Variants in ZSCAN18 observed in about 807,000 individuals in gnomAD.
ZSCAN18 encodes the protein zinc finger and SCAN domain containing 18, also known as zinc finger and SCAN domain-containing protein 18.
A neutral mutation model predicts 31.1 loss-of-function variants in ZSCAN18; 16 were observed. That is an observed-to-expected ratio of 0.51 (90% CI 0.35 to 0.78). The LOEUF (loss-of-function observed/expected upper bound fraction) is 0.78, where lower values mean the gene tolerates loss of function less well. Among genes scored for constraint, ZSCAN18 ranks in the 30% least tolerant of loss-of-function variants. ZSCAN18 has a pLI of 0.01. For synonymous variants in ZSCAN18, 375 were observed against 320.7 expected, an observed-to-expected ratio of 1.17 and a Z score of -1.81; for missense variants, 731 against 697.4, an observed-to-expected ratio of 1.05 and a Z score of -0.54.
chr19:58,097,861 CCCACAGGGTGCCCTAAGCGCCTCCCCT>C, intron 1 of ZSCAN18: 9 of 952,888 alleles, frequency 9.4e-6, no homozygotes, highest in Non-Finnish European at 1.1e-5. Flanking sequence ...TGTTCTCCCA[CCCACAGGGTGCCCTAAGCGCCTCCCCT>C]CCACGAGCCT....
upstream of ZSCAN18, among the ~76,000 whole-genome samples, chr19:58,102,536 A>C (rs1188158371): frequency 1.3e-5 from 2 of 152,152 alleles, no homozygotes; most frequent in Non-Finnish European, 2.9e-5. Flanking sequence ...CACATTATGA[A>C]CTTTAAAAAT....
intron 2 of ZSCAN18, 24 bp from the exon 3 acceptor site, chr19:58,088,861 G>T: frequency 6.2e-7 from 1 of 1,601,104 alleles, no homozygotes; most frequent in South Asian, 1.1e-5. Context: ...AGGGACCTGT[G>T]ACCCCAAGAG....
intron 1 of ZSCAN18, chr19:58,108,819 T>A: frequency 1.0e-6 from 1 of 972,788 alleles, no homozygotes; most frequent in Non-Finnish European, 1.2e-6. Flanking sequence ...GCTGAAGGAG[T>A]TACCACCTTC....
At position 58,085,392 on chromosome 19, in the gene ZSCAN18, C is replaced by T. The variant is rs747860873; in HGVS notation, c.839-13G>A. 7 of 1,580,958 alleles carry T rather than the reference C, an allele frequency of 4.4e-6. No individual in the cohort carries two copies. The South Asian group carries it at 6.7e-5, about 15-fold the overall frequency. ...CGCCTCCCGCCTTCTGGAACAAGGT[C>T]AGAGCCCTAGCGTGAGCGCCCCGCC... On this transcript the variant is annotated splice_polypyrimidine_tract_variant and intron_variant, in intron 6 of 6. Transcript: ENST00000601144.
chr19:58,098,977 C>G (rs994307443), upstream of ZSCAN18, among the ~76,000 whole-genome samples: 1 of 152,116 alleles, frequency 6.6e-6, no homozygotes, highest in Non-Finnish European at 1.5e-5. Context: ...AGGGCTTTGG[C>G]AAAGCCCCAT....
chr19:58,105,661 A>AAAAAAAT (rs907784441), intron 1 of ZSCAN18, among the ~76,000 whole-genome samples: 1 of 151,908 alleles, frequency 6.6e-6, no homozygotes, highest in Admixed American at 6.6e-5. Context: ...ACTCCGTCTC[A>AAAAAAAT]AAAAAATAAA....
Position 58,090,111 on chromosome 19 carries a change from G to A in ZSCAN18, c.157C>T (p.Arg53Trp). The stretch of plus-strand genomic sequence containing the variant: ...GCAGCCTCCTGGTAGACAAATTCCC[G>A]GAAACGCAGGCGGGAGAACTCCAGG... ...ADLEFSRLRF[R>W]EFVYQEAAGP... Residue 53 changes from arginine (R) to tryptophan (W), a missense_variant, in exon 2 of 7, where the codon CGG becomes TGG. Physicochemically the swap from Arg to Trp is moderately radical, Grantham distance 101. Around this residue, in one of 4 missense-constraint regions of ZSCAN18, gnomAD observed 86 missense variants for 119.1 expected, o/e 0.72. Coordinates refer to ENST00000601144, the MANE Select transcript of ZSCAN18 (RefSeq NM_001145543.2). This position sits in a 1 kb window ranked among gnomAD's most constrained non-coding sequence, Gnocchi z 4.7. 1.9e-6 allele frequency: 3 copies of A among 1,613,804 alleles called. No homozygotes were observed. The highest frequency in any genetic ancestry group is 8.5e-7 in the Non-Finnish European group (1 of 1,179,888).
At chr19:58,093,565 C>T (rs754473886) in intron 1 of ZSCAN18, among the ~76,000 whole-genome samples, 4 of 152,106 alleles carry the variant, frequency 2.6e-5, no homozygotes, top group Non-Finnish European at 5.9e-5. Flanking sequence ...TGTGACTGAG[C>T]GCTTTCTCAT....
intron 4 of ZSCAN18, 96 bp downstream of exon 4, chr19:58,087,220 T>TG: frequency 7.5e-7 from 1 of 1,327,688 alleles, no homozygotes; most frequent in Non-Finnish European, 1.0e-6. Flanking sequence ...TGTGGACGTT[T>TG]GGGGCCACAG....
At chr19:58,107,721 A>C (rs925207574) in intron 1 of ZSCAN18, 2 of 989,478 alleles carry the variant, frequency 2.0e-6, no homozygotes, top group African/African-American at 1.7e-5. Context: ...AAAGAAAATC[A>C]GATCAGTCAC....
chr19:58,118,343 C>T lies in ZSCAN18; in HGVS notation c.54G>A (p.Glu18=), dbSNP rs1220594713. ...CCCGAGAGGCCGCGAGAGGACGGAACTCACTTCCCGCCGCCGTAGCGTCCT... is the reference window on the plus strand; with the variant it reads ...CCCGAGAGGCCGCGAGAGGACGGAATTCACTTCCCGCCGCCGTAGCGTCCT... The change falls in exon 1 of 2, where the codon GAG becomes GAA. Residue 18 remains glutamate, a synonymous_variant. Coordinates refer to the ZSCAN18 transcript ENST00000595721. 7 of 1,533,444 alleles carry T rather than the reference C, an allele frequency of 4.6e-6. No individual in the cohort carries two copies. The South Asian group carries it at 6.1e-5, about 13-fold the overall frequency. 95.0% of individuals were successfully genotyped at this position (1,533,444 alleles called of 1,614,324 possible). A position where few individuals can be genotyped will look rare whatever the true frequency, so the allele number is the denominator to read the frequency against.
Position 58,090,338 on chromosome 19 carries a change from G to C in ZSCAN18, c.-71C>G, listed in dbSNP as rs201442496. ...AGGTGGCTCCAAAGGAGAGGTGCCAGGGATGACCAGATGCCCAGTGGGCTC... is the reference window on the plus strand; with the variant it reads ...AGGTGGCTCCAAAGGAGAGGTGCCACGGATGACCAGATGCCCAGTGGGCTC... On this transcript the variant is annotated 5_prime_UTR_variant, in exon 2 of 7. Coordinates refer to ENST00000601144, the MANE Select transcript of ZSCAN18 (RefSeq NM_001145543.2). The surrounding 1 kb of genome is among the most constrained non-coding windows in gnomAD (Gnocchi z 4.7). 5.6e-4 allele frequency: 895 copies of C among 1,607,596 alleles called. No homozygotes were observed. Among genetic ancestry groups the C allele is most frequent in the Admixed American group, 1.8e-3 (105 of 59,604 alleles).
chr19:58,089,338 A>G (rs937944358), intron 2 of ZSCAN18, among the ~76,000 whole-genome samples: 2 of 112,690 alleles, frequency 1.8e-5, no homozygotes, highest in Admixed American at 1.0e-4. Flanking sequence ...AAAAAAAAAA[A>G]GAGGCTGGGC....
At chr19:58,085,413 C>T (rs983402265) in intron 6 of ZSCAN18, 34 bp from the exon 7 acceptor site, 2 of 1,517,870 alleles carry the variant, frequency 1.3e-6, no homozygotes, top group Non-Finnish European at 1.8e-6. Flanking sequence ...CGTGAGCGCC[C>T]CGCCCAGGGC....
chr19:58,112,447 G>A (rs1351536950), intron 1 of ZSCAN18, among the ~76,000 whole-genome samples: 1 of 151,570 alleles, frequency 6.6e-6, no homozygotes, highest in African/African-American at 2.4e-5. Flanking sequence ...TCAGGAGATC[G>A]AGATCATCCT....
At chr19:58,087,240 G>A in intron 4 of ZSCAN18, 76 bp downstream of exon 4, 2 of 1,439,696 alleles carry the variant, frequency 1.4e-6, no homozygotes, top group Non-Finnish European at 1.9e-6. Context: ...GCCCTCTGCT[G>A]AGCACTGGTG....
intron 1 of ZSCAN18, among the ~76,000 whole-genome samples, chr19:58,094,630 C>A (rs1246436060): frequency 1.3e-5 from 2 of 151,904 alleles, no homozygotes; most frequent in African/African-American, 2.4e-5. Flanking sequence ...GTAATCCCAG[C>A]ACTTTGGGAG....
chr19:58,086,450 G>C (rs1423451850), intron 5 of ZSCAN18, 184 bp from the exon 6 acceptor site: 1 of 528,534 alleles, frequency 1.9e-6, no homozygotes, highest in Admixed American at 3.4e-5. Flanking sequence ...GGCGAGGCTG[G>C]AAGGGCAACG....
intron 1 of ZSCAN18, among the ~76,000 whole-genome samples, chr19:58,112,732 C>T (rs944180211): frequency 6.6e-6 from 1 of 151,226 alleles, no homozygotes; most frequent in Admixed American, 6.6e-5. Flanking sequence ...GGCAGATCAC[C>T]TGAGGTCTGG....
Sources: allele counts gnomAD v4.1 joint callset (sites outside exome capture counted in the v4.1 genomes callset), GRCh38; gene constraint gnomAD v4.1.1; regional missense constraint gnomAD v4.1.1; non-coding constraint Gnocchi (gnomAD v3.1); transcripts MANE v1.5; gene names NCBI Gene and HGNC (gene_info 2026-07-23, HGNC 2026-07-21).